ZC3H12B: variants seen among roughly 807,000 people sequenced by gnomAD.
ZC3H12B encodes probable ribonuclease ZC3H12B.
Under a neutral mutation model 43.9 loss-of-function variants are expected in ZC3H12B, and 7 were observed. The observed-to-expected ratio is 0.16, with a 90% CI of 0.09 to 0.30. The LOEUF is 0.30. Ranked by LOEUF, ZC3H12B falls within the 10% of genes least tolerant of loss-of-function variation. ZC3H12B has a pLI of 1.00. For missense variants in ZC3H12B, 475 were observed against 670.2 expected, an observed-to-expected ratio of 0.71 and a Z score of 3.22; for synonymous variants, 222 against 241.7, an observed-to-expected ratio of 0.92 and a Z score of 0.76.
At position 65,438,750 on chromosome X, in the gene ZC3H12B, C is replaced by T. The variant is rs566961367; in HGVS notation, n.407+40046C>T. On this transcript the variant is annotated intron_variant and non_coding_transcript_variant, in intron 3 of 5. Transcript: ENST00000617377. ...AGATCGCTCAGGATTTTGTTTGTGG[C>T]TTAAGAATGCCTTTAAGCGGTTTTC... 1.9e-4 allele frequency among the ~76,000 whole-genome samples: 22 copies of T among 113,693 alleles called. No individual in the cohort carries two copies. The South Asian group carries it at 3.9e-3, about 20-fold the overall frequency.
chrX:65,260,110 T>C, the ZC3H12B span, among the ~76,000 whole-genome samples: 3 of 110,848 alleles, frequency 2.7e-5, no homozygotes, highest in Admixed American at 2.9e-4. Context: ...AAACTAGACA[T>C]TGGGTACAGT....
chrX:65,258,084 A>C, the ZC3H12B span, among the ~76,000 whole-genome samples: 1 of 111,755 alleles, frequency 8.9e-6, no homozygotes, highest in East Asian at 2.8e-4. Flanking sequence ...CACACACACA[A>C]AAAGGAAAAC....
chrX:65,146,701 G>A, the ZC3H12B span, among the ~76,000 whole-genome samples: 1 of 111,207 alleles, frequency 9.0e-6, no homozygotes, highest in Admixed American at 9.6e-5. Context: ...TGGCTTCCTG[G>A]GAGCCAAGCT....
the ZC3H12B span, among the ~76,000 whole-genome samples, chrX:65,263,982 A>G: frequency 9.0e-6 from 1 of 111,521 alleles, no homozygotes; most frequent in Non-Finnish European, 1.9e-5. Context: ...GCTCAGCCAT[A>G]AAAAAAGAAT....
At chrX:65,105,180 A>C in the ZC3H12B span, among the ~76,000 whole-genome samples, 1 of 110,108 alleles carries the variant, frequency 9.1e-6, no homozygotes, top group Non-Finnish European at 1.9e-5. Context: ...ACAAATTTTT[A>C]CTCATAGGTG....
the ZC3H12B span, among the ~76,000 whole-genome samples, chrX:65,089,820 T>C: frequency 1.2e-3 from 129 of 111,395 alleles, 1 homozygote; most frequent in South Asian, 9.5e-3. Context: ...ACACATACAT[T>C]AGACTAGGCC....
chrX:65,227,380 G>A, the ZC3H12B span, among the ~76,000 whole-genome samples: 1 of 111,850 alleles, frequency 8.9e-6, no homozygotes, highest in Non-Finnish European at 1.9e-5. Flanking sequence ...CACATTCAAA[G>A]CAGTGTGTAC....
At chrX:65,344,561 A>G in the ZC3H12B span, among the ~76,000 whole-genome samples, 3 of 112,247 alleles carry the variant, frequency 2.7e-5, no homozygotes, top group Non-Finnish European at 5.6e-5. Flanking sequence ...CCATATACAA[A>G]ATCAACTCAA....
the ZC3H12B span, among the ~76,000 whole-genome samples, chrX:65,094,383 CTA>C: frequency 9.1e-6 from 1 of 109,871 alleles, no homozygotes; most frequent in Non-Finnish European, 1.9e-5. Flanking sequence ...ACTGCAAAAC[CTA>C]TAGAGGAAGC....
chrX:65,314,953 A>C, the ZC3H12B span, among the ~76,000 whole-genome samples: 1 of 111,410 alleles, frequency 9.0e-6, no homozygotes, highest in Non-Finnish European at 1.9e-5. Flanking sequence ...GGAGTTAAGT[A>C]TGTGTATTAT....
At chrX:65,211,330 A>G in the ZC3H12B span, among the ~76,000 whole-genome samples, 1 of 109,098 alleles carries the variant, frequency 9.2e-6, no homozygotes, top group East Asian at 2.8e-4. Context: ...CTGTTTTCCA[A>G]AAATCTGTGG....
At chrX:65,355,403 A>C in the ZC3H12B span, among the ~76,000 whole-genome samples, 25 of 112,103 alleles carry the variant, frequency 2.2e-4, no homozygotes, top group Non-Finnish European at 3.9e-4. Flanking sequence ...TAAATATTTT[A>C]ATACATTAAT....
the ZC3H12B span, among the ~76,000 whole-genome samples, chrX:65,089,642 AC>A: frequency 8.9e-6 from 1 of 112,449 alleles, no homozygotes; most frequent in South Asian, 3.6e-4. Flanking sequence ...TACTTTATAA[AC>A]TTTTAATTTT....
intron 3 of ZC3H12B, among the ~76,000 whole-genome samples, chrX:65,406,580 G>A (rs1323635624): frequency 2.4e-5 from 2 of 84,104 alleles, no homozygotes; most frequent in East Asian, 7.3e-4. Flanking sequence ...GGCTGGGCGG[G>A]GCTGGGCGGG....
At chrX:65,344,039 G>A in the ZC3H12B span, among the ~76,000 whole-genome samples, 1 of 111,977 alleles carries the variant, frequency 8.9e-6, no homozygotes, top group Non-Finnish European at 1.9e-5. Context: ...ACCAATGACG[G>A]TCAAGCCAAG....
At chrX:65,074,430 C>T in the ZC3H12B span, among the ~76,000 whole-genome samples, 93 of 111,457 alleles carry the variant, frequency 8.3e-4, no homozygotes, top group African/African-American at 2.6e-3. Context: ...ACAATTTAGT[C>T]ATAATGTAGT....
At chrX:65,130,103 T>C in the ZC3H12B span, among the ~76,000 whole-genome samples, 1 of 111,289 alleles carries the variant, frequency 9.0e-6, no homozygotes, top group Admixed American at 9.5e-5. Flanking sequence ...GGTTGGCAAG[T>C]TTTTGGGCTC....
At chrX:65,319,060 G>A in the ZC3H12B span, among the ~76,000 whole-genome samples, 2 of 110,991 alleles carry the variant, frequency 1.8e-5, no homozygotes, top group African/African-American at 6.6e-5. Flanking sequence ...GCAGAGCAGA[G>A]GACAAGAAAT....
the ZC3H12B span, among the ~76,000 whole-genome samples, chrX:65,092,585 T>G: frequency 8.9e-6 from 1 of 111,849 alleles, no homozygotes; most frequent in Non-Finnish European, 1.9e-5. Flanking sequence ...GAAGGCTGCA[T>G]CATGCACAGA....
Sources: gnomAD v4.1 joint callset for allele counts (sites outside exome capture counted in the v4.1 genomes callset) on GRCh38, gnomAD v4.1.1 for gene constraint, MANE v1.5 for transcripts, NCBI Gene and HGNC (gene_info 2026-07-23, HGNC 2026-07-21) for gene names.